RBFOX1: variants seen among roughly 807,000 people sequenced by gnomAD.
RBFOX1 encodes RNA binding protein fox-1 homolog 1.
A neutral mutation model predicts 57.7 loss-of-function variants in RBFOX1; 8 were observed. That is an observed-to-expected ratio of 0.14 (90% CI 0.08 to 0.25). The LOEUF (loss-of-function observed/expected upper bound fraction) is 0.25, where lower values mean the gene tolerates loss of function less well. RBFOX1 is among the 10% of genes least tolerant of loss of function. The probability of loss-of-function intolerance (pLI) is 1.00; values close to 1 mark genes in which losing one functional copy is unlikely to be tolerated. For missense variants in RBFOX1, 611 were observed against 548.5 expected, an observed-to-expected ratio of 1.11 and a Z score of -1.14; for synonymous variants, 326 against 222.4, an observed-to-expected ratio of 1.47 and a Z score of -4.15.
intron 4 of RBFOX1, among the ~76,000 whole-genome samples, chr16:7,394,022 G>A (rs951751711): frequency 1.3e-5 from 2 of 151,938 alleles, no homozygotes; most frequent in Admixed American, 6.5e-5. Context: ...GATCACCTGA[G>A]GTCAGGAGTT....
chr16:5,277,211 AAAAC>A (rs1182217926), intron 1 of RBFOX1, among the ~76,000 whole-genome samples: 1 of 152,214 alleles, frequency 6.6e-6, no homozygotes, highest in Non-Finnish European at 1.5e-5. Context: ...CAGGAATGGA[AAAAC>A]AAACATTGCA....
At chr16:6,529,865 C>A (rs922026562) in intron 2 of RBFOX1, among the ~76,000 whole-genome samples, 2 of 152,078 alleles carry the variant, frequency 1.3e-5, no homozygotes, top group Non-Finnish European at 1.5e-5. Flanking sequence ...AGAGTCAGCT[C>A]AGTGAGATAT....
chr16:6,537,894 A>G (rs532867649), intron 2 of RBFOX1, among the ~76,000 whole-genome samples: 7 of 152,096 alleles, frequency 4.6e-5, no homozygotes, highest in African/African-American at 1.7e-4. Context: ...TGTAGTAATT[A>G]TAGCTGAATG....
intron 4 of RBFOX1, among the ~76,000 whole-genome samples, chr16:7,326,179 G>C (rs559423713): frequency 2.3e-4 from 35 of 152,316 alleles, no homozygotes; most frequent in African/African-American, 7.5e-4. Context: ...CTGGGTGAAT[G>C]GCAGGCAAAC....
At chr16:5,949,675 T>C (rs539427755) in intron 4 of RBFOX1, among the ~76,000 whole-genome samples, 112 of 152,198 alleles carry the variant, frequency 7.4e-4, no homozygotes, top group Non-Finnish European at 1.3e-3. Context: ...CAGTTTTGAA[T>C]GGTCAAGCCA....
chr16:6,271,103 C>G (rs2075155939), intron 1 of RBFOX1, among the ~76,000 whole-genome samples: 1 of 152,080 alleles, frequency 6.6e-6, no homozygotes, highest in Non-Finnish European at 1.5e-5. Flanking sequence ...AGCTTCAAAT[C>G]ACTAATCTAA....
chr16:7,183,726 C>A (rs1602147062), intron 4 of RBFOX1, among the ~76,000 whole-genome samples: 1 of 152,152 alleles, frequency 6.6e-6, no homozygotes, highest in Non-Finnish European at 1.5e-5. Flanking sequence ...CAAGCTAGTT[C>A]TTAGGCTTAC....
At chr16:7,108,637 C>G (rs1416570932) in intron 4 of RBFOX1, among the ~76,000 whole-genome samples, 1 of 152,112 alleles carries the variant, frequency 6.6e-6, no homozygotes, top group Non-Finnish European at 1.5e-5. Context: ...ATAGGAAAGT[C>G]TACCCTGAGC....
chr16:7,665,884 T>C (rs2069104405), intron 13 of RBFOX1, among the ~76,000 whole-genome samples: 1 of 152,208 alleles, frequency 6.6e-6, no homozygotes, highest in Non-Finnish European at 1.5e-5. Flanking sequence ...GATTATTGTA[T>C]TCCTTTTGAA....
intron 5 of RBFOX1, among the ~76,000 whole-genome samples, chr16:7,535,412 C>G (rs563072726): frequency 4.3e-4 from 66 of 152,298 alleles, no homozygotes; most frequent in African/African-American, 1.5e-3. Flanking sequence ...AGACATCTCG[C>G]TGGACATTGC....
chr16:5,660,026 A>T (rs1302969755), intron 3 of RBFOX1, among the ~76,000 whole-genome samples: 1 of 152,190 alleles, frequency 6.6e-6, no homozygotes, highest in Non-Finnish European at 1.5e-5. Flanking sequence ...TTATGAATTT[A>T]AAAACATCCT....
At chr16:7,527,644 A>C (rs762218705) in intron 5 of RBFOX1, among the ~76,000 whole-genome samples, 1 of 152,204 alleles carries the variant, frequency 6.6e-6, no homozygotes, top group Non-Finnish European at 1.5e-5. Context: ...GACCATAGGC[A>C]CGTTACATAA....
intron 3 of RBFOX1, among the ~76,000 whole-genome samples, chr16:6,926,113 C>T (rs956592528): frequency 6.6e-6 from 1 of 151,862 alleles, no homozygotes; most frequent in Non-Finnish European, 1.5e-5. Flanking sequence ...CAAGACCAGC[C>T]TGGCCAACAT....
At chr16:7,037,551 C>G (rs1025030390) in intron 3 of RBFOX1, among the ~76,000 whole-genome samples, 2 of 152,078 alleles carry the variant, frequency 1.3e-5, no homozygotes, top group African/African-American at 2.4e-5. Context: ...AAGAAGAAAT[C>G]ACAACAACAA....
chr16:6,892,656 C>G (rs1025778339), intron 3 of RBFOX1, among the ~76,000 whole-genome samples: 3 of 150,928 alleles, frequency 2.0e-5, no homozygotes, highest in Non-Finnish European at 4.4e-5. Flanking sequence ...GGCAACAGAG[C>G]AGGGCTGTCT....
intron 3 of RBFOX1, among the ~76,000 whole-genome samples, chr16:5,834,716 T>TAGATAGATAG (rs2056398583): frequency 9.3e-6 from 1 of 107,682 alleles, no homozygotes; most frequent in African/African-American, 4.9e-5. Context: ...GATAGATAGA[T>TAGATAGATAG]ACATAGATAC....
chr16:5,483,375 G>A (rs1038799854), intron 2 of RBFOX1, among the ~76,000 whole-genome samples: 5 of 152,148 alleles, frequency 3.3e-5, no homozygotes, highest in African/African-American at 9.7e-5. Flanking sequence ...TCTTTCCCAC[G>A]CTTGCCCCCA....
intron 4 of RBFOX1, among the ~76,000 whole-genome samples, chr16:5,971,960 C>T (rs947103630): frequency 6.6e-6 from 1 of 152,244 alleles, no homozygotes; most frequent in African/African-American, 2.4e-5. Flanking sequence ...AGCTCCCCTG[C>T]ATCAGAGAGA....
At chr16:5,706,991 G>C (rs1414669593) in intron 3 of RBFOX1, among the ~76,000 whole-genome samples, 2 of 152,128 alleles carry the variant, frequency 1.3e-5, no homozygotes, top group Non-Finnish European at 2.9e-5. Context: ...CTGCGTAAAA[G>C]CAATTATTTG....
Sources: allele counts gnomAD v4.1 joint callset (sites outside exome capture counted in the v4.1 genomes callset), GRCh38; gene constraint gnomAD v4.1.1; transcripts MANE v1.5; gene names NCBI Gene and HGNC (gene_info 2026-07-23, HGNC 2026-07-21).